The following ASTN1 variants were observed in gnomAD, a reference collection of about 807,000 sequenced individuals.
ASTN1 encodes the protein astrotactin-1.
Under a neutral mutation model 140.7 loss-of-function variants are expected in ASTN1, and 41 were observed. The ratio of observed to expected loss-of-function variants is 0.29; its 90% CI spans 0.23 to 0.38. ASTN1 has a LOEUF of 0.38. Among genes scored for constraint, ASTN1 ranks in the 10% least tolerant of loss-of-function variants. The pLI, the probability that ASTN1 is intolerant of heterozygous loss-of-function variation, is 1.00. For missense variants in ASTN1, 1,479 were observed against 1,678.8 expected (o/e 0.88, Z 2.08); for synonymous variants, 640 against 652.2 (o/e 0.98, Z 0.29).
intron 15 of ASTN1, 38 bp from the exon 16 acceptor site, chr1:176,934,378 T>A: frequency 6.4e-7 from 1 of 1,554,672 alleles, no homozygotes; most frequent in Non-Finnish European, 8.8e-7. Flanking sequence ...GAATGAGGGC[T>A]CAGATTTTGG....
chr1:176,984,241 T>G (rs1229442433), intron 8 of ASTN1, among the ~76,000 whole-genome samples: 1 of 152,214 alleles, frequency 6.6e-6, no homozygotes, highest in African/African-American at 2.4e-5. Flanking sequence ...CAGTAATTGT[T>G]CAGTACAGAC....
At chr1:176,909,238 G>A (rs1670127592) in intron 16 of ASTN1, among the ~76,000 whole-genome samples, 1 of 152,334 alleles carries the variant, frequency 6.6e-6, no homozygotes, top group African/African-American at 2.4e-5. Flanking sequence ...GAGAAAGAGG[G>A]AAGGAAAAGA....
intron 1 of ASTN1, among the ~76,000 whole-genome samples, chr1:177,156,461 G>C (rs1316643048): frequency 6.6e-6 from 1 of 152,126 alleles, no homozygotes; most frequent in Non-Finnish European, 1.5e-5. Context: ...CCAACTGAAA[G>C]AGCTCCCATT....
At chr1:176,935,753 C>T in intron 15 of ASTN1, among the ~76,000 whole-genome samples, 1 of 151,800 alleles carries the variant, frequency 6.6e-6, no homozygotes, top group Admixed American at 6.6e-5. Flanking sequence ...CTATTTCTCT[C>T]TCTCTCTTTC....
At chr1:177,082,906 T>C (rs865961836) in intron 1 of ASTN1, among the ~76,000 whole-genome samples, 4 of 152,214 alleles carry the variant, frequency 2.6e-5, no homozygotes, top group African/African-American at 9.7e-5. Flanking sequence ...CATTTCCTTA[T>C]CAATGCACAA....
At chr1:177,062,571 G>T (rs1391222231) in intron 1 of ASTN1, among the ~76,000 whole-genome samples, 9 of 148,214 alleles carry the variant, frequency 6.1e-5, no homozygotes, top group African/African-American at 1.7e-4. Flanking sequence ...TTAAGGCAAG[G>T]CTTCTTCTCC....
At chr1:177,020,510 C>T (rs1337011584) in intron 7 of ASTN1, among the ~76,000 whole-genome samples, 10 of 152,184 alleles carry the variant, frequency 6.6e-5, no homozygotes, top group Non-Finnish European at 1.3e-4. Context: ...CCTTTTCTGC[C>T]TCCCTATTTC....
intron 16 of ASTN1, among the ~76,000 whole-genome samples, chr1:176,899,349 C>A: frequency 6.6e-6 from 1 of 152,232 alleles, no homozygotes; most frequent in Middle Eastern, 3.4e-3. Context: ...AAGTGACCGG[C>A]CCATTCTCAT....
chr1:177,164,650 C>T lies in ASTN1; in HGVS notation c.27G>A (p.Leu9=). The change falls in exon 1 of 23, where the codon CTG becomes CTA. Residue 9 remains leucine (L), a synonymous_variant. Transcript: ENST00000361833. ...CCGCCGGCCCCCAGCAGCAGGCGAG[C>T]AGGGCGCAGAGCCCGGCTAAAGCCA... MALAGLCA[L]LACCWGPAAV... is the part of the protein sequence containing the mutation. 1 of 1,598,174 alleles carries T rather than the reference C, an allele frequency of 6.3e-7. No homozygotes were observed. Among genetic ancestry groups the T allele is most frequent in the Non-Finnish European group, 8.5e-7 (1 of 1,172,296 alleles).
chr1:176,897,507 G>A (rs1212774147), intron 16 of ASTN1, among the ~76,000 whole-genome samples: 4 of 151,976 alleles, frequency 2.6e-5, no homozygotes, highest in Non-Finnish European at 4.4e-5. Context: ...TCTGGGAAAA[G>A]AATTTCCACG....
chr1:176,941,308 G>A (rs2103102945), intron 14 of ASTN1, among the ~76,000 whole-genome samples: 1 of 152,274 alleles, frequency 6.6e-6, no homozygotes, highest in Non-Finnish European at 1.5e-5. Context: ...AAGGAAATAT[G>A]TGACCTTGGC....
chr1:177,108,363 A>G (rs900024200), intron 1 of ASTN1, among the ~76,000 whole-genome samples: 81 of 151,608 alleles, frequency 5.3e-4, no homozygotes, highest in African/African-American at 1.8e-3. Flanking sequence ...AAAAAAAAAA[A>G]AAAGAAAAGA....
intron 21 of ASTN1, among the ~76,000 whole-genome samples, chr1:176,874,736 C>T (rs1474206272): frequency 1.6e-4 from 25 of 152,116 alleles, no homozygotes; most frequent in Non-Finnish European, 4.4e-5. Context: ...TGGTTTTTTT[C>T]TATTTTAAAT....
chr1:176,864,342 C>A lies in ASTN1; in HGVS notation c.3827G>T (p.Cys1276Phe), dbSNP rs1209366121. 1 of 1,614,014 alleles carries A rather than the reference C, an allele frequency of 6.2e-7. No individual in the cohort carries two copies. Among genetic ancestry groups the A allele is most frequent in the Non-Finnish European group, 8.5e-7 (1 of 1,180,018 alleles). ...AELSRDLRKTCEEQTLSIPYN... is the reference protein window; with the variant it reads ...AELSRDLRKTFEEQTLSIPYN... ...GGGGATACTCAGGGTCTGCTCCTCA[C>A]ACGTCTTCCTGAGGTCCCGGCTGAG... Residue 1276 changes from cysteine to phenylalanine, a missense_variant, in exon 23 of 23, where the codon TGT becomes TTT. Physicochemically the swap from Cys to Phe is radical, Grantham distance 205. Transcript: ENST00000361833.
rs572148079 is a variant in ASTN1, at chr1:177,117,895, C to T, written c.283+46499G>A. ...TTTTCTGTCCTGCAAGCCCTGGATGCCCATCAAAATGAATCATTTCTTCTT... is the reference window on the plus strand; with the variant it reads ...TTTTCTGTCCTGCAAGCCCTGGATGTCCATCAAAATGAATCATTTCTTCTT... On this transcript the variant is annotated intron_variant, in intron 1 of 22. Transcript: ENST00000361833. Among the ~76,000 whole-genome samples the T allele has an allele frequency of 5.3e-5, 8 of 152,274 alleles. 1 individual carries two copies. In the South Asian group the frequency reaches 1.0e-3, roughly 20 times the overall value.
chr1:176,876,647 AGTGG>A lies in ASTN1; in HGVS notation c.3363-14_3363-11del. ...TCCCCACAGCGTGAACCTGGCAGGG[AGTGG>A]GAGGGCATGGTTAGCAGAAACAGTG... On this transcript the variant is annotated splice_polypyrimidine_tract_variant and intron_variant, in intron 20 of 22. Coordinates refer to ENST00000361833, the MANE Select transcript of ASTN1 (RefSeq NM_004319.3). The A allele has an allele frequency of 1.2e-6, 2 of 1,613,530 alleles. No homozygotes were observed. Among genetic ancestry groups the A allele is most frequent in the Non-Finnish European group, 1.7e-6 (2 of 1,179,686 alleles).
intron 1 of ASTN1, among the ~76,000 whole-genome samples, chr1:177,073,961 T>TA (rs371398185): frequency 7.4e-5 from 11 of 148,370 alleles, no homozygotes; most frequent in South Asian, 2.1e-4. Flanking sequence ...AATTCCTGGT[T>TA]AAAAAAAAAA....
intron 1 of ASTN1, among the ~76,000 whole-genome samples, chr1:177,067,108 G>T (rs954282591): frequency 1.3e-5 from 2 of 152,120 alleles, no homozygotes; most frequent in South Asian, 2.1e-4. Context: ...TATGGTTTCT[G>T]AGGGGGGGTT....
chr1:176,921,382 C>G (rs1158237738), intron 16 of ASTN1, among the ~76,000 whole-genome samples: 2 of 152,154 alleles, frequency 1.3e-5, no homozygotes, highest in African/African-American at 2.4e-5. Flanking sequence ...AAAGGGGTTC[C>G]ATTATTTGTT....
Sources: allele counts gnomAD v4.1 joint callset (sites outside exome capture counted in the v4.1 genomes callset), GRCh38; gene constraint gnomAD v4.1.1; transcripts MANE v1.5; gene names NCBI Gene and HGNC (gene_info 2026-07-23, HGNC 2026-07-21).